Variants in TSPAN5 observed in about 807,000 individuals in gnomAD.
TSPAN5 encodes the protein tetraspanin-5.
In TSPAN5, 10 loss-of-function variants were observed where a neutral mutation model predicts 37.1. That is an observed-to-expected ratio of 0.27 (90% CI 0.17 to 0.46). The LOEUF is 0.46. Ranked by LOEUF, TSPAN5 falls within the 20% of genes least tolerant of loss-of-function variation. The pLI is 1.00. For missense variants in TSPAN5, 195 were observed against 326.6 expected (o/e 0.60, Z 3.11); for synonymous variants, 110 against 118.9 (o/e 0.93, Z 0.48).
intron 1 of TSPAN5, among the ~76,000 whole-genome samples, chr4:98,603,721 T>C (rs188544332): frequency 7.2e-5 from 11 of 152,316 alleles, no homozygotes; most frequent in African/African-American, 2.6e-4. Flanking sequence ...AAATTTAATG[T>C]GGTGGTTGAT....
intron 5 of TSPAN5, among the ~76,000 whole-genome samples, chr4:98,476,717 G>A (rs1210531992): frequency 6.6e-6 from 1 of 152,150 alleles, no homozygotes. Context: ...AAGACAGCAA[G>A]TCTATCACAC....
chr4:98,499,806 G>A (rs1470974700), intron 2 of TSPAN5, among the ~76,000 whole-genome samples: 3 of 151,780 alleles, frequency 2.0e-5, no homozygotes, highest in Admixed American at 2.0e-4. Context: ...GACTACAGGC[G>A]CCTGCCACCA....
At chr4:98,499,919 C>T (rs757357994) in intron 2 of TSPAN5, among the ~76,000 whole-genome samples, 2 of 152,040 alleles carry the variant, frequency 1.3e-5, no homozygotes, top group Non-Finnish European at 2.9e-5. Flanking sequence ...CTCGGCCTCC[C>T]AAAGTGCTGG....
rs188825396 is a variant in TSPAN5, at chr4:98,583,690, G to A, written c.81+74456C>T. Among the ~76,000 whole-genome samples, 50 of 152,304 alleles carry A rather than the reference G, an allele frequency of 3.3e-4. 1 individual carries two copies. In the East Asian group the frequency reaches 7.7e-3, roughly 23 times the overall value. ...ACTCCTGCTCATCACTTCACTACACGGCCTTGGCCATGCTGCTGATCTTCA... is the reference window on the plus strand; with the variant it reads ...ACTCCTGCTCATCACTTCACTACACAGCCTTGGCCATGCTGCTGATCTTCA... On this transcript the variant is annotated intron_variant, in intron 1 of 7. Transcript: ENST00000305798.
chr4:98,621,610 C>T (rs1264674523), intron 1 of TSPAN5, among the ~76,000 whole-genome samples: 1 of 151,968 alleles, frequency 6.6e-6, no homozygotes, highest in Non-Finnish European at 1.5e-5. Context: ...CCTCGTGATC[C>T]GCCCGCCTCA....
chr4:98,489,315 C>T (rs1753036732), intron 2 of TSPAN5, among the ~76,000 whole-genome samples: 1 of 152,168 alleles, frequency 6.6e-6, no homozygotes, highest in South Asian at 2.1e-4. Context: ...TCACACCCAA[C>T]CAATCAGGTA....
chr4:98,642,704 T>C (rs868163893), intron 1 of TSPAN5, among the ~76,000 whole-genome samples: 1 of 152,092 alleles, frequency 6.6e-6, no homozygotes, highest in Non-Finnish European at 1.5e-5. Flanking sequence ...AACTGAAAAA[T>C]TCCTATTGTC....
At chr4:98,518,498 T>C (rs1753785146) in intron 1 of TSPAN5, among the ~76,000 whole-genome samples, 5 of 152,138 alleles carry the variant, frequency 3.3e-5, no homozygotes, top group Admixed American at 3.3e-4. Context: ...ACAGAAACTA[T>C]GAGATCACTG....
intron 1 of TSPAN5, among the ~76,000 whole-genome samples, chr4:98,555,697 T>C (rs981609293): frequency 2.6e-5 from 4 of 152,122 alleles, no homozygotes; most frequent in Admixed American, 6.5e-5. Flanking sequence ...AAAGGGTAAA[T>C]ATAGAAATAA....
intron 1 of TSPAN5, among the ~76,000 whole-genome samples, chr4:98,631,351 A>C (rs1459519038): frequency 1.3e-5 from 2 of 152,120 alleles, no homozygotes; most frequent in Admixed American, 1.3e-4. Flanking sequence ...GACTCTCATC[A>C]AGTTCACCCC....
At chr4:98,600,626 T>A (rs1755862175) in intron 1 of TSPAN5, among the ~76,000 whole-genome samples, 1 of 152,188 alleles carries the variant, frequency 6.6e-6, no homozygotes, top group African/African-American at 2.4e-5. Flanking sequence ...CATCTTCAGG[T>A]TCCACTTCTA....
At chr4:98,636,426 T>C (rs1457030565) in intron 1 of TSPAN5, among the ~76,000 whole-genome samples, 2 of 152,210 alleles carry the variant, frequency 1.3e-5, no homozygotes, top group African/African-American at 4.8e-5. Flanking sequence ...CTAGCTTTAA[T>C]CTTTTCCAAA....
intron 1 of TSPAN5, among the ~76,000 whole-genome samples, chr4:98,630,791 T>C (rs927611499): frequency 2.0e-5 from 3 of 152,246 alleles, no homozygotes; most frequent in African/African-American, 7.2e-5. Context: ...CCTCCTCCCC[T>C]TGAAGTAAGG....
intron 1 of TSPAN5, among the ~76,000 whole-genome samples, chr4:98,578,300 C>T (rs1293940939): frequency 2.0e-5 from 3 of 152,184 alleles, no homozygotes; most frequent in African/African-American, 7.2e-5. Flanking sequence ...TAAATACTTA[C>T]ATTTAAAGTG....
chr4:98,658,483 T>G lies in TSPAN5; in HGVS notation c.-257A>C. On this transcript the variant is annotated 5_prime_UTR_variant, in exon 1 of 8. Coordinates refer to ENST00000305798, the MANE Select transcript of TSPAN5 (RefSeq NM_005723.4). ...AAGCCGCGCGCTGCAAGCTCAAGCC[T>G]CGCCGACGCTAGCCCCGAACACAAA... is the stretch of plus-strand genomic sequence containing the variant. The G allele has an allele frequency of 3.9e-6, 1 of 253,686 alleles. No individual in the cohort carries two copies. Among genetic ancestry groups the G allele is most frequent in the Non-Finnish European group, 7.4e-6 (1 of 135,260 alleles). 15.7% of individuals were successfully genotyped at this position (253,686 alleles called of 1,614,324 possible).
chr4:98,626,310 T>C (rs1400389063), intron 1 of TSPAN5, among the ~76,000 whole-genome samples: 1 of 152,190 alleles, frequency 6.6e-6, no homozygotes, highest in Non-Finnish European at 1.5e-5. Flanking sequence ...AAAGGGCTTA[T>C]CATAACCTCC....
At chr4:98,523,661 A>G (rs944139422) in intron 1 of TSPAN5, among the ~76,000 whole-genome samples, 1 of 152,154 alleles carries the variant, frequency 6.6e-6, no homozygotes, top group African/African-American at 2.4e-5. Context: ...GTCAACATGA[A>G]CTCTTGGCCT....
chr4:98,479,675 T>C (rs185906876), intron 4 of TSPAN5, among the ~76,000 whole-genome samples: 1 of 152,324 alleles, frequency 6.6e-6, no homozygotes, highest in East Asian at 1.9e-4. Flanking sequence ...TACTCCCTTC[T>C]GAGAATTTCT....
intron 1 of TSPAN5, among the ~76,000 whole-genome samples, chr4:98,631,713 C>G (rs1269951750): frequency 1.3e-5 from 2 of 152,110 alleles, no homozygotes; most frequent in African/African-American, 2.4e-5. Flanking sequence ...GTCATAAAAA[C>G]CCCTTTTCCC....
Sources: allele counts gnomAD v4.1 joint callset (sites outside exome capture counted in the v4.1 genomes callset), GRCh38; gene constraint gnomAD v4.1.1; transcripts MANE v1.5; gene names NCBI Gene and HGNC (gene_info 2026-07-23, HGNC 2026-07-21).